RAET1L: variants seen among roughly 807,000 people sequenced by gnomAD.
RAET1L encodes retinoic acid early transcript 1L, also known as UL16-binding protein 6.
RAET1L carries 16 observed loss-of-function variants against 23.9 expected under a neutral mutation model. That is an observed-to-expected ratio of 0.67 (90% CI 0.45 to 1.02). The LOEUF (loss-of-function observed/expected upper bound fraction) is 1.02, where lower values mean the gene tolerates loss of function less well. Ranked by LOEUF, RAET1L falls within the 50% of genes least tolerant of loss-of-function variation. RAET1L has a pLI of 0.00. For synonymous variants in RAET1L, 70 were observed against 111.2 expected (o/e 0.63, Z 2.33); for missense variants, 233 against 304.0 (o/e 0.77, Z 1.74).
At chr6:150,025,358 C>T (rs771446399) in intron 1 of RAET1L, 29 bp downstream of exon 1, 2 of 1,601,944 alleles carry the variant, frequency 1.2e-6, no homozygotes, top group Non-Finnish European at 8.5e-7. Context: ...TTGGCCCCCG[C>T]CCCGCTTAGG....
intron 4 of RAET1L, among the ~76,000 whole-genome samples, chr6:150,019,414 C>T (rs1165948656): frequency 6.6e-6 from 1 of 152,194 alleles, no homozygotes; most frequent in African/African-American, 2.4e-5. Flanking sequence ...CCACTCTGCT[C>T]CTGGCAGGGC....
intron 1 of RAET1L, among the ~76,000 whole-genome samples, chr6:150,023,935 T>C (rs1242243526): frequency 2.0e-5 from 3 of 152,172 alleles, no homozygotes; most frequent in East Asian, 1.9e-4. Flanking sequence ...TGCCCATTAC[T>C]GGTGGGCTCC....
At position 150,020,256 on chromosome 6, in the gene RAET1L, A is replaced by G; in HGVS notation, c.632-17T>C. 1 of 1,413,082 alleles carries G rather than the reference A, an allele frequency of 7.1e-7. No homozygotes were observed. Among genetic ancestry groups the G allele is most frequent in the Non-Finnish European group, 9.6e-7 (1 of 1,038,224 alleles). 87.5% of individuals were successfully genotyped at this position (1,413,082 alleles called of 1,614,324 possible). A position where few individuals can be genotyped will look rare whatever the true frequency, so the allele number is the denominator to read the frequency against. On this transcript the variant is annotated splice_polypyrimidine_tract_variant and intron_variant, in intron 3 of 4. Transcript: ENST00000367341. ...CGAGTGGTGCTGAAATGGAAACACA[A>G]AAGTGACAACCCTTGTCCAGGCCCC... is the stretch of plus-strand genomic sequence containing the variant.
chr6:150,023,577 T>C (rs1008877006), intron 1 of RAET1L, among the ~76,000 whole-genome samples: 7 of 152,182 alleles, frequency 4.6e-5, no homozygotes, highest in African/African-American at 1.4e-4. Context: ...CCATTGTAAC[T>C]ACTCAACTCT....
At chr6:150,025,351 GC>G (rs768009087) in intron 1 of RAET1L, 35 bp downstream of exon 1, 5 of 1,580,994 alleles carry the variant, frequency 3.2e-6, no homozygotes, top group Non-Finnish European at 4.3e-6. Flanking sequence ...CTCAGGTTTG[GC>G]CCCCGCCCCG....
intron 3 of RAET1L, 142 bp downstream of exon 3, chr6:150,020,763 C>T: frequency 7.2e-7 from 1 of 1,381,926 alleles, no homozygotes; most frequent in South Asian, 1.4e-5. Context: ...ATGCCAGTAA[C>T]CCCAGGAGGA....
In RAET1L at chr6:150,025,379, C is replaced by A; in HGVS notation, c.85+8G>T. The A allele has an allele frequency of 6.2e-7, 1 of 1,612,652 alleles. No individual in the cohort carries two copies. Among genetic ancestry groups the A allele is most frequent in the Non-Finnish European group, 8.5e-7 (1 of 1,178,904 alleles). ...CCCGCCCCGCTTAGGCTCCATCCAC[C>A]AGCTCACCGTCTCGCCTAGCCCGGG... On this transcript the variant is annotated splice_region_variant and intron_variant, in intron 1 of 4. Coordinates refer to ENST00000367341, the MANE Select transcript of RAET1L (RefSeq NM_130900.3).
chr6:150,021,130 T>G lies in RAET1L; in HGVS notation c.406A>C (p.Ser136Arg), dbSNP rs1276480314. Residue 136 changes from serine to arginine, a missense_variant, in exon 3 of 5, where the codon AGT (serine) becomes CGT (arginine). Coordinates refer to ENST00000367341, the MANE Select transcript of RAET1L (RefSeq NM_130900.3). ...TCGATACTGAACTGCCAAGATCCAC[T>G]GCTGTGTCCTTCAGCTTTCTGCTCA... ...SCEQKAEGHS[S>R]GSWQFSIDGQ... is the part of the protein sequence containing the mutation. The G allele has an allele frequency of 6.2e-7, 1 of 1,614,160 alleles. No homozygotes were observed. The highest frequency in any genetic ancestry group is 2.2e-5 in the East Asian group (1 of 44,876).
intron 1 of RAET1L, among the ~76,000 whole-genome samples, chr6:150,023,258 G>T (rs1779908576): frequency 6.6e-6 from 1 of 152,136 alleles, no homozygotes; most frequent in Non-Finnish European, 1.5e-5. Flanking sequence ...CAAAAGAGAT[G>T]GAAACCCACC....
intron 1 of RAET1L, among the ~76,000 whole-genome samples, chr6:150,025,083 G>A (rs1426412911): frequency 2.0e-5 from 3 of 152,160 alleles, no homozygotes; most frequent in Non-Finnish European, 4.4e-5. Context: ...CCTTCCGAAA[G>A]GCGGGTGGGA....
chr6:150,024,062 T>C (rs557231545), intron 1 of RAET1L, among the ~76,000 whole-genome samples: 10 of 152,240 alleles, frequency 6.6e-5, no homozygotes, highest in South Asian at 2.1e-4. Context: ...CAGTTGGACC[T>C]GATCCCCAGG....
At chr6:150,024,420 C>T (rs1013771725) in intron 1 of RAET1L, among the ~76,000 whole-genome samples, 1 of 152,170 alleles carries the variant, frequency 6.6e-6, no homozygotes, top group African/African-American at 2.4e-5. Flanking sequence ...TACAAAGGGA[C>T]AGGACTGGAC....
In RAET1L at chr6:150,024,087, C is replaced by T. The variant is rs148469476; in HGVS notation, c.85+1300G>A. ...TGATCCCCAGGACACCACGTGGCTG[C>T]ACCCACTCACCCTCAGCTCACACCT... is the stretch of plus-strand genomic sequence containing the variant. On this transcript the variant is annotated intron_variant, in intron 1 of 4. Coordinates refer to ENST00000367341, the MANE Select transcript of RAET1L (RefSeq NM_130900.3). Among the ~76,000 whole-genome samples, 76 of 152,254 alleles carry T rather than the reference C, an allele frequency of 5.0e-4. No homozygotes were observed. The East Asian group carries it at 0.01, about 21-fold the overall frequency.
At chr6:150,019,527 A>C (rs1046123565) in intron 4 of RAET1L, among the ~76,000 whole-genome samples, 2 of 151,036 alleles carry the variant, frequency 1.3e-5, no homozygotes, top group African/African-American at 4.9e-5. Flanking sequence ...TGACTTTTTA[A>C]AAATCCTTCT....
At chr6:150,024,264 C>A (rs957323630) in intron 1 of RAET1L, among the ~76,000 whole-genome samples, 2 of 152,200 alleles carry the variant, frequency 1.3e-5, no homozygotes, top group Non-Finnish European at 2.9e-5. Context: ...TACTTTCCAA[C>A]TGACATCAGA....
intron 2 of RAET1L, among the ~76,000 whole-genome samples, 174 bp from the exon 3 acceptor site, chr6:150,021,360 G>T (rs1779886112): frequency 6.9e-6 from 1 of 145,310 alleles, no homozygotes; most frequent in African/African-American, 2.6e-5. Context: ...TTTGAGAAAG[G>T]GTCTCGCTCT....
rs1775877218 is a variant in RAET1L, at chr6:150,025,418, CAGGAACAGAAG to C, written c.43_53del (p.Leu15AlafsTer8). On this transcript the variant is annotated frameshift_variant, in exon 1 of 5. Transcript: ENST00000367341. LOFTEE classifies it high-confidence loss of function. Reference sequence around the variant, plus strand: ...GCCTAGCCCGGGACCAGCCGAACAGCAGGAACAGAAGCGGGAGGCACAGAAGCAAAGCTGGG... The same window carrying C: ...GCCTAGCCCGGGACCAGCCGAACAGCCGGGAGGCACAGAAGCAAAGCTGGG... 1.9e-6 allele frequency: 3 copies of C among 1,613,892 alleles called. No homozygotes were observed. In the African/African-American group the frequency reaches 4.0e-5, roughly 22 times the overall value.
chr6:150,025,222 A>T (rs1775873527), intron 1 of RAET1L, among the ~76,000 whole-genome samples, 165 bp downstream of exon 1: 1 of 152,096 alleles, frequency 6.6e-6, no homozygotes, highest in Non-Finnish European at 1.5e-5. Flanking sequence ...AGCCTTGGGG[A>T]GTGGACCCGG....
chr6:150,018,806 G>A lies in RAET1L; in HGVS notation c.*72C>T, dbSNP rs138004858. ...TGGGCAGCTGGCCAGACAGAAGGGC[G>A]AGGTTGATCAAGACCGTGCTCACAG... On this transcript the variant is annotated 3_prime_UTR_variant, in exon 5 of 5. Coordinates refer to ENST00000367341, the MANE Select transcript of RAET1L (RefSeq NM_130900.3). 6.6e-6 allele frequency: 2 copies of A among 301,802 alleles called. No homozygotes were observed. Among genetic ancestry groups the A allele is most frequent in the Admixed American group, 4.3e-5 (1 of 23,464 alleles). 18.7% of individuals were successfully genotyped at this position (301,802 alleles called of 1,614,324 possible). A position where few individuals can be genotyped will look rare whatever the true frequency, so the allele number is the denominator to read the frequency against.
Sources: allele counts gnomAD v4.1 joint callset (sites outside exome capture counted in the v4.1 genomes callset), GRCh38; gene constraint gnomAD v4.1.1; transcripts MANE v1.5; gene names NCBI Gene and HGNC (gene_info 2026-07-23, HGNC 2026-07-21).